The following IPCEF1 variants were observed in gnomAD, a reference collection of about 807,000 sequenced individuals.
IPCEF1 encodes interaction protein for cytohesin exchange factors 1.
A neutral mutation model predicts 50.9 loss-of-function variants in IPCEF1; 31 were observed. That is an observed-to-expected ratio of 0.61 (90% CI 0.46 to 0.82). The LOEUF (loss-of-function observed/expected upper bound fraction) is 0.82. IPCEF1 is among the 40% of genes least tolerant of loss of function. IPCEF1 has a pLI of 0.00. For synonymous variants in IPCEF1, 181 were observed against 192.0 expected (o/e 0.94, Z 0.47); for missense variants, 458 against 514.0 (o/e 0.89, Z 1.05).
chr6:154,172,652 A>C (rs1266319225), intron 10 of IPCEF1, among the ~76,000 whole-genome samples: 2 of 152,234 alleles, frequency 1.3e-5, no homozygotes, highest in Non-Finnish European at 2.9e-5. Flanking sequence ...ACAAAGCAGC[A>C]GGGAAGCTCG....
intron 6 of IPCEF1, among the ~76,000 whole-genome samples, chr6:154,222,679 C>T (rs77826748): frequency 0.026 from 3,995 of 152,172 alleles, 79 homozygotes; most frequent in Non-Finnish European, 0.039. Context: ...TGTCAGTGCT[C>T]AAATCTTTTG....
Position 154,159,729 on chromosome 6 carries a change from T to C in IPCEF1, c.*99A>G, listed in dbSNP as rs1209231785. ...GATGGGAAGCTGATGCTTGAAGGACTGGGTTTCAGTTTTCCTTTTAAGGAA... is the reference window on the plus strand; with the variant it reads ...GATGGGAAGCTGATGCTTGAAGGACCGGGTTTCAGTTTTCCTTTTAAGGAA... On this transcript the variant is annotated 3_prime_UTR_variant, in exon 12 of 12. Coordinates refer to ENST00000367220, the MANE Select transcript of IPCEF1 (RefSeq NM_001130700.2). The C allele has an allele frequency of 1.2e-6, 1 of 863,586 alleles. No individual in the cohort carries two copies. Among genetic ancestry groups the C allele is most frequent in the Non-Finnish European group, 1.8e-6 (1 of 543,700 alleles). 53.5% of individuals were successfully genotyped at this position (863,586 alleles called of 1,614,324 possible). A position where few individuals can be genotyped will look rare whatever the true frequency, so the allele number is the denominator to read the frequency against.
intron 3 of IPCEF1, among the ~76,000 whole-genome samples, chr6:154,248,308 TG>T (rs1781220878): frequency 8.5e-6 from 1 of 118,278 alleles, no homozygotes; most frequent in African/African-American, 4.3e-5. Context: ...TTAAAATACG[TG>T]TGTGTGTGTG....
At chr6:154,235,547 A>AAAAAAAAT (rs1562558352) in intron 5 of IPCEF1, among the ~76,000 whole-genome samples, 1 of 149,736 alleles carries the variant, frequency 6.7e-6, no homozygotes. Context: ...AAAAAAAAAA[A>AAAAAAAAT]AAAAGTAATG....
chr6:154,273,098 T>C (rs1234158801), intron 2 of IPCEF1, among the ~76,000 whole-genome samples: 1 of 152,230 alleles, frequency 6.6e-6, no homozygotes, highest in Non-Finnish European at 1.5e-5. Context: ...ATTCTCTTTC[T>C]CACAGAGCCT....
At chr6:154,306,861 A>G (rs1782949682) in intron 1 of IPCEF1, 1 of 151,974 alleles carries the variant, frequency 6.6e-6, no homozygotes, top group Non-Finnish European at 1.5e-5. Flanking sequence ...TGTATATCTC[A>G]CTTCCCTTAA....
At chr6:154,287,163 CT>C in intron 2 of IPCEF1, among the ~76,000 whole-genome samples, 2 of 18,386 alleles carry the variant, frequency 1.1e-4, no homozygotes, top group East Asian at 7.8e-3. Context: ...TTCTCTCCCT[CT>C]CTCTCTCTCT....
chr6:154,302,823 G>A (rs1365770932), intron 1 of IPCEF1, among the ~76,000 whole-genome samples: 1 of 151,958 alleles, frequency 6.6e-6, no homozygotes, highest in Non-Finnish European at 1.5e-5. Flanking sequence ...TAGGACCCAG[G>A]GTGCTTGTAA....
chr6:154,214,256 G>C lies in IPCEF1; in HGVS notation c.413C>G (p.Ser138Trp), dbSNP rs368673715. 2 of 1,610,568 alleles carry C rather than the reference G, an allele frequency of 1.2e-6. No individual in the cohort carries two copies. The highest frequency in any genetic ancestry group is 2.2e-5 in the South Asian group (2 of 90,998). The change falls in exon 8 of 12, where the codon TCG becomes TGG. Residue 138 changes from serine (S) to tryptophan (W), a missense_variant. Coordinates refer to ENST00000367220, the MANE Select transcript of IPCEF1 (RefSeq NM_001130700.2). The part of the protein sequence containing the change: ...EMNVWLNKLG[S>W]AVIHQESTTK... The stretch of plus-strand genomic sequence containing the variant: ...AGTGGATTCCTGATGGATTACAGCC[G>C]ATCCAAGTTTATTTAACCACCTAAA...
chr6:154,267,870 C>T (rs1167359796), intron 2 of IPCEF1, among the ~76,000 whole-genome samples: 1 of 152,252 alleles, frequency 6.6e-6, no homozygotes, highest in Non-Finnish European at 1.5e-5. Flanking sequence ...AGGGCAGCTC[C>T]TCCCTGCAGC....
chr6:154,187,733 A>G (rs1383240649), intron 10 of IPCEF1, among the ~76,000 whole-genome samples: 2 of 152,238 alleles, frequency 1.3e-5, no homozygotes, highest in Non-Finnish European at 2.9e-5. Flanking sequence ...GTGGAGTCAA[A>G]CAGAACTGCA....
intron 1 of IPCEF1, among the ~76,000 whole-genome samples, chr6:154,310,921 A>C (rs1023404689): frequency 2.0e-5 from 3 of 152,182 alleles, no homozygotes; most frequent in South Asian, 2.1e-4. Flanking sequence ...CTGGAGGAGT[A>C]AGTGTTGGTG....
chr6:154,216,274 T>G (rs1486171389), intron 7 of IPCEF1, among the ~76,000 whole-genome samples: 1 of 152,044 alleles, frequency 6.6e-6, no homozygotes, highest in Non-Finnish European at 1.5e-5. Flanking sequence ...ATCAATTTCC[T>G]GTTATAATGA....
rs56231733 is a variant in IPCEF1 at position 154,192,318 on chromosome 6, C to CTGTGTGTGTGTGTGTG, written c.910+7334_910+7349dup. On this transcript the variant is annotated intron_variant, in intron 10 of 11. Coordinates refer to ENST00000367220, the MANE Select transcript of IPCEF1 (RefSeq NM_001130700.2). ...GACCCAAATGGTGGCCACGTGGTTACTGTGTGTGTGTGTGTGTGTGTGTGT... is the reference window on the plus strand; with the variant it reads ...GACCCAAATGGTGGCCACGTGGTTACTGTGTGTGTGTGTGTGTGTGTGTGTGTGTGTGTGTGTGTGT... Among the ~76,000 whole-genome samples, 419 of 148,104 alleles carry CTGTGTGTGTGTGTGTG rather than the reference C, an allele frequency of 2.8e-3. 4 individuals are homozygous for CTGTGTGTGTGTGTGTG. Among genetic ancestry groups the CTGTGTGTGTGTGTGTG allele is most frequent in the African/African-American group, 2.1e-3 (84 of 40,090 alleles).
intron 3 of IPCEF1, among the ~76,000 whole-genome samples, chr6:154,263,436 T>G (rs1451724471): frequency 7.4e-6 from 1 of 134,544 alleles, no homozygotes; most frequent in African/African-American, 2.8e-5. Flanking sequence ...GATTAGGGAG[T>G]GGTGATGACT....
intron 1 of IPCEF1, among the ~76,000 whole-genome samples, chr6:154,294,174 T>C (rs1241115526): frequency 1.3e-5 from 2 of 152,238 alleles, no homozygotes; most frequent in Non-Finnish European, 2.9e-5. Context: ...CCAATTCTTT[T>C]ATTCAACTTT....
At chr6:154,256,606 TCTCA>T (rs1781469251) in intron 3 of IPCEF1, among the ~76,000 whole-genome samples, 1 of 151,670 alleles carries the variant, frequency 6.6e-6, no homozygotes, top group Non-Finnish European at 1.5e-5. Context: ...ACACACACAC[TCTCA>T]CTTTCTCTCT....
chr6:154,199,604 T>C (rs1031655509), intron 10 of IPCEF1, 64 bp downstream of exon 10: 1 of 1,444,698 alleles, frequency 6.9e-7, no homozygotes. Flanking sequence ...CAAATTAATA[T>C]TACAGTTCCA....
At chr6:154,240,487 G>C (rs757716531) in intron 5 of IPCEF1, among the ~76,000 whole-genome samples, 1 of 151,252 alleles carries the variant, frequency 6.6e-6, no homozygotes, top group East Asian at 1.9e-4. Context: ...CACTTTCCCA[G>C]GGAAAATTAA....
Sources: allele counts gnomAD v4.1 joint callset (sites outside exome capture counted in the v4.1 genomes callset), GRCh38; gene constraint gnomAD v4.1.1; transcripts MANE v1.5; gene names NCBI Gene and HGNC (gene_info 2026-07-23, HGNC 2026-07-21).